PLXDC2: variants seen among roughly 807,000 people sequenced by gnomAD.
PLXDC2 encodes the protein plexin domain containing 2.
A neutral mutation model predicts 68.9 loss-of-function variants in PLXDC2; 40 were observed. The observed-to-expected ratio is 0.58, with a 90% confidence interval of 0.45 to 0.76. The LOEUF is 0.76. Among genes scored for constraint, PLXDC2 ranks in the 30% least tolerant of loss-of-function variants. The pLI, the probability that PLXDC2 is intolerant of heterozygous loss-of-function variation, is 0.00. For synonymous variants in PLXDC2, 243 were observed against 234.2 expected (o/e 1.04, Z -0.34); for missense variants, 644 against 661.9 (o/e 0.97, Z 0.30).
chr10:20,230,435 C>T (rs749421688), intron 12 of PLXDC2, among the ~76,000 whole-genome samples: 5 of 151,842 alleles, frequency 3.3e-5, no homozygotes, highest in African/African-American at 9.7e-5. Context: ...TCTGCGGGGC[C>T]GAGGAGGGCA....
At chr10:20,037,576 A>G (rs1017196897) in intron 2 of PLXDC2, among the ~76,000 whole-genome samples, 1 of 149,830 alleles carries the variant, frequency 6.7e-6, no homozygotes, top group African/African-American at 2.4e-5. Context: ...CAGGGAGTAG[A>G]TAAATAAAGG....
chr10:20,151,314 G>A (rs1834150136), intron 6 of PLXDC2, among the ~76,000 whole-genome samples: 1 of 152,116 alleles, frequency 6.6e-6, no homozygotes, highest in Non-Finnish European at 1.5e-5. Flanking sequence ...ACTTTCACAT[G>A]CATTATAGCA....
At chr10:20,234,237 A>G (rs1010521776) in intron 12 of PLXDC2, among the ~76,000 whole-genome samples, 2 of 152,126 alleles carry the variant, frequency 1.3e-5, no homozygotes, top group Admixed American at 6.6e-5. Context: ...TGGAAGTGTC[A>G]TATGCCCACA....
intron 13 of PLXDC2, among the ~76,000 whole-genome samples, chr10:20,267,800 A>G (rs1458011456): frequency 6.6e-6 from 1 of 152,038 alleles, no homozygotes; most frequent in African/African-American, 2.4e-5. Context: ...TTATTTTTAT[A>G]GGTTCTAATT....
intron 1 of PLXDC2, among the ~76,000 whole-genome samples, chr10:19,912,772 T>C (rs992686445): frequency 1.3e-5 from 2 of 152,180 alleles, no homozygotes; most frequent in Admixed American, 6.5e-5. Flanking sequence ...CAATTAAATA[T>C]GATAAAATAA....
chr10:20,115,325 G>A (rs1485328485), intron 4 of PLXDC2, among the ~76,000 whole-genome samples: 1 of 152,186 alleles, frequency 6.6e-6, no homozygotes, highest in Non-Finnish European at 1.5e-5. Flanking sequence ...TCTGGGCTGA[G>A]TGTGGGGCAC....
intron 1 of PLXDC2, among the ~76,000 whole-genome samples, chr10:19,883,291 A>T (rs1348249506): frequency 1.3e-5 from 1 of 78,722 alleles, no homozygotes; most frequent in African/African-American, 5.7e-5. Context: ...CAAAATTGCA[A>T]GTTAAAAGTG....
At chr10:20,271,937 AATAAG>A (rs1395222677) in intron 13 of PLXDC2, among the ~76,000 whole-genome samples, 2 of 152,214 alleles carry the variant, frequency 1.3e-5, no homozygotes, top group Non-Finnish European at 2.9e-5. Context: ...TTTCCCTATA[AATAAG>A]ATAAATGCCT....
At chr10:19,870,594 T>G (rs565564171) in intron 1 of PLXDC2, among the ~76,000 whole-genome samples, 1 of 152,124 alleles carries the variant, frequency 6.6e-6, no homozygotes, top group East Asian at 1.9e-4. Context: ...CCTGGCTAAT[T>G]TTTGTATTTT....
chr10:20,252,599 G>A (rs1835691046), intron 13 of PLXDC2, among the ~76,000 whole-genome samples: 1 of 152,206 alleles, frequency 6.6e-6, no homozygotes. Flanking sequence ...AGAGGGAAAG[G>A]AGGAGCTTAT....
intron 5 of PLXDC2, among the ~76,000 whole-genome samples, chr10:20,146,024 C>T (rs1199239511): frequency 2.0e-5 from 3 of 152,066 alleles, no homozygotes; most frequent in African/African-American, 7.2e-5. Flanking sequence ...AACTATACTC[C>T]CCATGTTATA....
intron 4 of PLXDC2, chr10:20,071,088 A>G (rs1001014046): frequency 1.3e-5 from 2 of 152,210 alleles, no homozygotes; most frequent in Non-Finnish European, 2.9e-5. Flanking sequence ...CAACTTGCAT[A>G]TAACAATCTG....
intron 2 of PLXDC2, among the ~76,000 whole-genome samples, chr10:20,023,969 T>C (rs1246995097): frequency 2.0e-5 from 3 of 152,110 alleles, no homozygotes; most frequent in Admixed American, 1.3e-4. Flanking sequence ...TGCCAGGACA[T>C]TGATTTTCCT....
At chr10:19,895,843 C>A (rs1165698734) in intron 1 of PLXDC2, among the ~76,000 whole-genome samples, 5 of 152,018 alleles carry the variant, frequency 3.3e-5, no homozygotes. Flanking sequence ...TTGATTGAGG[C>A]CAGGAGTTTG....
intron 4 of PLXDC2, among the ~76,000 whole-genome samples, chr10:20,137,574 C>T (rs1480299859): frequency 6.6e-6 from 1 of 152,210 alleles, no homozygotes; most frequent in Non-Finnish European, 1.5e-5. Flanking sequence ...GGCCACCACC[C>T]TGCTCTAAGG....
chr10:19,998,934 G>A lies in PLXDC2; in HGVS notation c.113-2841G>A, dbSNP rs140272648. Among the ~76,000 whole-genome samples the A allele has an allele frequency of 1.8e-4, 28 of 152,298 alleles. No individual in the cohort carries two copies. In the East Asian group the frequency reaches 5.2e-3, roughly 28 times the overall value. ...TTTCCTAATAATCTTACTAAAGGAT[G>A]AGCTTGAATGTTCAGTACAAAAACA... is the stretch of plus-strand genomic sequence containing the variant. On this transcript the variant is annotated intron_variant, in intron 1 of 13. Coordinates refer to ENST00000377252, the MANE Select transcript of PLXDC2 (RefSeq NM_032812.9).
intron 12 of PLXDC2, among the ~76,000 whole-genome samples, chr10:20,222,174 C>G (rs960701931): frequency 3.4e-4 from 52 of 152,142 alleles, no homozygotes; most frequent in African/African-American, 1.3e-3. Flanking sequence ...AAATGACTGC[C>G]TTTCCCTACA....
chr10:19,974,390 C>T (rs1006424810), intron 1 of PLXDC2, among the ~76,000 whole-genome samples: 3 of 152,144 alleles, frequency 2.0e-5, no homozygotes, highest in African/African-American at 4.8e-5. Flanking sequence ...AGTCTATGGG[C>T]TGAAATGTTG....
intron 1 of PLXDC2, among the ~76,000 whole-genome samples, chr10:19,889,878 G>A (rs1837919145): frequency 6.6e-6 from 1 of 152,044 alleles, no homozygotes; most frequent in Non-Finnish European, 1.5e-5. Context: ...TTTTCTCACT[G>A]AGTTCTCACA....
Sources: allele counts gnomAD v4.1 joint callset (sites outside exome capture counted in the v4.1 genomes callset), GRCh38; gene constraint gnomAD v4.1.1; transcripts MANE v1.5; gene names NCBI Gene and HGNC (gene_info 2026-07-23, HGNC 2026-07-21).